DOCK7: variants seen among roughly 807,000 people sequenced by gnomAD.
DOCK7 encodes dedicator of cytokinesis 7.
In DOCK7, 138 loss-of-function variants were observed where a neutral mutation model predicts 271.0. The ratio of observed to expected loss-of-function variants is 0.51; its 90% confidence interval spans 0.44 to 0.59. DOCK7 has a LOEUF of 0.59. DOCK7 is among the 20% of genes least tolerant of loss of function. The pLI is 0.00. For synonymous variants in DOCK7, 823 were observed against 876.1 expected, an observed-to-expected ratio of 0.94 and a Z score of 1.07; for missense variants, 2,066 against 2,592.4, an observed-to-expected ratio of 0.80 and a Z score of 4.41.
intron 30 of DOCK7, among the ~76,000 whole-genome samples, chr1:62,528,828 A>T (rs770691670): frequency 6.6e-6 from 1 of 152,218 alleles, no homozygotes; most frequent in Non-Finnish European, 1.5e-5. Context: ...AAAACTCTGT[A>T]GGTTCTAGTT....
intron 14 of DOCK7, among the ~76,000 whole-genome samples, chr1:62,596,845 CAG>C (rs1250857379): frequency 6.6e-6 from 1 of 152,074 alleles, no homozygotes; most frequent in Non-Finnish European, 1.5e-5. Context: ...GCCTAGAACA[CAG>C]AGACACAGAA....
chr1:62,521,091 GGGGCCTGTCA>G (rs2149355675), intron 31 of DOCK7, among the ~76,000 whole-genome samples: 1 of 151,868 alleles, frequency 6.6e-6, no homozygotes, highest in South Asian at 2.1e-4. Flanking sequence ...ATCACACACT[GGGGCCTGTCA>G]GGGGGTAGGG....
intron 48 of DOCK7, among the ~76,000 whole-genome samples, chr1:62,467,630 T>TA (rs1170319532): frequency 6.6e-6 from 1 of 152,182 alleles, no homozygotes; most frequent in Non-Finnish European, 1.5e-5. Flanking sequence ...AGACAGAAAT[T>TA]ATGATATCCA....
At chr1:62,686,542 CAA>C (rs934283417) in intron 1 of DOCK7, among the ~76,000 whole-genome samples, 1 of 142,704 alleles carries the variant, frequency 7.0e-6, no homozygotes, top group Admixed American at 7.0e-5. Context: ...AATTATTTTA[CAA>C]AAAAAAAAAA....
In DOCK7 at chr1:62,571,574, A is replaced by G. The variant is rs1401338236; in HGVS notation, c.2112+5688T>C. ...TGGGTATATACCCAAAGGAATAGAA[A>G]TCATTCTATTATAAAGACACATGCA... On this transcript the variant is annotated intron_variant, in intron 18 of 49. Coordinates refer to ENST00000635253, the MANE Select transcript of DOCK7 (RefSeq NM_001367561.1). 5.3e-5 allele frequency among the ~76,000 whole-genome samples: 8 copies of G among 152,210 alleles called. No individual in the cohort carries two copies. The East Asian group carries it at 1.5e-3, about 29-fold the overall frequency.
chr1:62,659,809 G>A (rs560118528), intron 2 of DOCK7, among the ~76,000 whole-genome samples: 2 of 152,122 alleles, frequency 1.3e-5, no homozygotes, highest in East Asian at 3.9e-4. Context: ...CAAATAGAGA[G>A]GGACATTACC....
In DOCK7 at chr1:62,586,776, A is replaced by C. The variant is rs542881183; in HGVS notation, c.1683-152T>G. 3.2e-5 allele frequency: 15 copies of C among 472,628 alleles called. No individual in the cohort carries two copies. In the South Asian group the frequency reaches 6.7e-4, roughly 21 times the overall value. The allele number at this position is 472,628 out of a possible 1,614,324, so 29.3% of individuals were successfully genotyped here. A position where few individuals can be genotyped will look rare whatever the true frequency, so the allele number is the denominator to read the frequency against. ...TATTTTCACATGTGACGTTTTATTTACTCCTGAGAGCAATCATTCAAATAC... is the reference window on the plus strand; with the variant it reads ...TATTTTCACATGTGACGTTTTATTTCCTCCTGAGAGCAATCATTCAAATAC... On this transcript the variant is annotated intron_variant, in intron 14 of 49. Coordinates refer to ENST00000635253, the MANE Select transcript of DOCK7 (RefSeq NM_001367561.1).
At chr1:62,567,544 T>C (rs1646561175) in intron 18 of DOCK7, among the ~76,000 whole-genome samples, 1 of 151,752 alleles carries the variant, frequency 6.6e-6, no homozygotes, top group African/African-American at 2.4e-5. Flanking sequence ...CTGGGGCCTG[T>C]TGGGGGGTGG....
intron 14 of DOCK7, among the ~76,000 whole-genome samples, chr1:62,612,850 T>C (rs1394316376): frequency 6.6e-6 from 1 of 152,096 alleles, no homozygotes; most frequent in Non-Finnish European, 1.5e-5. Context: ...AAATACTAAG[T>C]AGAAAAACAA....
intron 38 of DOCK7, 140 bp from the exon 39 acceptor site, chr1:62,495,821 T>A (rs1310612454): frequency 1.6e-6 from 1 of 622,978 alleles, no homozygotes; most frequent in African/African-American, 1.9e-5. Context: ...CTGTACAGTA[T>A]AGGTATGTGG....
chr1:62,588,718 C>T (rs943527978), intron 14 of DOCK7, among the ~76,000 whole-genome samples: 7 of 151,860 alleles, frequency 4.6e-5, no homozygotes, highest in Non-Finnish European at 1.5e-5. Flanking sequence ...ATGCCTAAAT[C>T]CATTATTTTT....
chr1:62,654,960 G>A (rs1205864449), intron 2 of DOCK7, among the ~76,000 whole-genome samples: 1 of 152,198 alleles, frequency 6.6e-6, no homozygotes. Flanking sequence ...GGAGAAATCT[G>A]AAGAAAGCAC....
intron 27 of DOCK7, among the ~76,000 whole-genome samples, chr1:62,538,984 A>C (rs1645438599): frequency 6.6e-6 from 1 of 152,204 alleles, no homozygotes; most frequent in African/African-American, 2.4e-5. Flanking sequence ...TGTTTTCTAG[A>C]AGGCAGACTT....
In DOCK7 at chr1:62,457,455, C is replaced by T. The variant is rs1329869714; in HGVS notation, c.6380+83G>A. The T allele has an allele frequency of 2.1e-5, 28 of 1,358,576 alleles. 1 individual carries two copies. Among genetic ancestry groups the T allele is most frequent in the Middle Eastern group, 2.1e-4 (1 of 4,822 alleles). The allele number at this position is 1,358,576 out of a possible 1,614,324, so 84.2% of individuals were successfully genotyped here. On this transcript the variant is annotated intron_variant, in intron 49 of 49. Coordinates refer to ENST00000635253, the MANE Select transcript of DOCK7 (RefSeq NM_001367561.1). ...CTAAGCTTTTCGGATGACAGATGCT[C>T]GAGCTGTAAAAAGACTTCTACTAGT...
chr1:62,663,338 T>C (rs1041023099), intron 1 of DOCK7, among the ~76,000 whole-genome samples: 2 of 152,158 alleles, frequency 1.3e-5, no homozygotes, highest in African/African-American at 4.8e-5. Context: ...TGATGTAGGG[T>C]ACAAGACTGA....
chr1:62,565,558 T>A (rs1269716935), intron 18 of DOCK7, among the ~76,000 whole-genome samples: 1 of 152,196 alleles, frequency 6.6e-6, no homozygotes, highest in Non-Finnish European at 1.5e-5. Flanking sequence ...ATGGAACATA[T>A]CTCAAAATAA....
intron 15 of DOCK7, chr1:62,584,222 T>A (rs1402677358): frequency 1.0e-6 from 1 of 981,710 alleles, no homozygotes; most frequent in South Asian, 4.7e-5. Flanking sequence ...CAGGCTCTTT[T>A]ATTTTAAGGG....
intron 5 of DOCK7, 47 bp downstream of exon 5, chr1:62,648,368 C>T: frequency 1.4e-6 from 2 of 1,431,768 alleles, no homozygotes; most frequent in Non-Finnish European, 1.8e-6. Context: ...AAATTGACAA[C>T]TATTTTTAAA....
intron 29 of DOCK7, among the ~76,000 whole-genome samples, chr1:62,533,907 A>C (rs1195335342): frequency 6.6e-6 from 1 of 151,360 alleles, no homozygotes; most frequent in Non-Finnish European, 1.5e-5. Context: ...TCCTACTACA[A>C]AAAAAAAATT....
Sources: allele counts gnomAD v4.1 joint callset (sites outside exome capture counted in the v4.1 genomes callset), GRCh38; gene constraint gnomAD v4.1.1; transcripts MANE v1.5; gene names NCBI Gene and HGNC (gene_info 2026-07-23, HGNC 2026-07-21).